Variants in EPHB6 observed in about 807,000 individuals in gnomAD.
EPHB6 encodes the protein ephrin type-B receptor 6.
Under a neutral mutation model 107.0 loss-of-function variants are expected in EPHB6, and 51 were observed. That is an observed-to-expected ratio of 0.48 (90% CI 0.38 to 0.60). The LOEUF (loss-of-function observed/expected upper bound fraction) is 0.60, where lower values mean the gene tolerates loss of function less well. EPHB6 is among the 20% of genes least tolerant of loss of function. The pLI is 0.00. For synonymous variants in EPHB6, 553 were observed against 549.0 expected (o/e 1.01, Z -0.10); for missense variants, 1,141 against 1,355.5 (o/e 0.84, Z 2.48).
chr7:142,859,582 ATAAG>A (rs1026312676), intron 1 of EPHB6, among the ~76,000 whole-genome samples: 1 of 152,106 alleles, frequency 6.6e-6, no homozygotes, highest in African/African-American at 2.4e-5. Context: ...GGTTTGTTTG[ATAAG>A]TAAGAACTCA....
Position 142,864,631 on chromosome 7 carries a change from G to A in EPHB6, c.831G>A (p.Gln277=). 2 of 1,612,402 alleles carry A rather than the reference G, an allele frequency of 1.2e-6. No individual in the cohort carries two copies. Among genetic ancestry groups the A allele is most frequent in the Non-Finnish European group, 1.7e-6 (2 of 1,179,530 alleles). ...AEPEEDGVGG[Q]AGGSPPRLHC... is the part of the protein sequence containing the mutation. ...CAGAGGAGGATGGAGTAGGGGGCCA[G>A]GCAGGAGGCAGCCCCCCCAGGCTGC... Residue 277 remains glutamine (Q), a synonymous_variant, in exon 7 of 20, where the codon CAG becomes CAA. Coordinates refer to ENST00000652003, the MANE Select transcript of EPHB6 (RefSeq NM_004445.6).
chr7:142,863,931 G>A (rs1424053562), intron 6 of EPHB6, 35 bp from the exon 7 acceptor site: 11 of 1,614,038 alleles, frequency 6.8e-6, no homozygotes, highest in East Asian at 4.5e-5. Flanking sequence ...GCTTAAGCCC[G>A]GAGCCCCTAA....
Position 142,868,573 on chromosome 7 carries a change from C to G in EPHB6, c.2120C>G (p.Ala707Gly), listed in dbSNP as rs1794730064. 1 of 1,613,432 alleles carries G rather than the reference C, an allele frequency of 6.2e-7. No individual in the cohort carries two copies. Among genetic ancestry groups the G allele is most frequent in the Non-Finnish European group, 8.5e-7 (1 of 1,179,914 alleles). ...EQTVAIQALWAGGAESLQMTF... is the reference protein window; with the variant it reads ...EQTVAIQALWGGGAESLQMTF... Reference sequence around the variant, plus strand: ...ACTGTGGCCATCCAGGCCCTGTGGGCCGGGGGCGCCGAAAGCCTGCAGATG... The same window carrying G: ...ACTGTGGCCATCCAGGCCCTGTGGGGCGGGGGCGCCGAAAGCCTGCAGATG... The change falls in exon 15 of 20, where the codon GCC becomes GGC. Residue 707 changes from alanine (A) to glycine (G), a missense_variant. This residue lies in a region of EPHB6 where 616 missense variants were observed against 759.3 expected (regional missense o/e 0.81). Transcript: ENST00000652003. The surrounding 1 kb of genome is among the most constrained non-coding windows in gnomAD (Gnocchi z 4.2).
In EPHB6 at chr7:142,870,674, GCTCAGC is replaced by G; in HGVS notation, c.2952_2957del (p.Ser985_Leu986del). ...TCTGTACCTTCAGTGATGTGGCTCA[GCTCAGC>G]CTAGAGTAAGCAGGGAGTGGTGGGG... On this transcript the variant is annotated inframe_deletion, in exon 19 of 20. Transcript: ENST00000652003. 1 of 1,614,210 alleles carries G rather than the reference GCTCAGC, an allele frequency of 6.2e-7. No individual in the cohort carries two copies. Among genetic ancestry groups the G allele is most frequent in the Non-Finnish European group, 8.5e-7 (1 of 1,180,030 alleles).
At position 142,867,058 on chromosome 7, in the gene EPHB6, A is replaced by T; in HGVS notation, c.1740A>T (p.Thr580=). The stretch of plus-strand genomic sequence containing the variant: ...ACGGGGGCAAAGTCTATTTCCAGAC[A>T]CTTCCTCAAGGTGAGCGGGGGTCAA... ...GPYGGKVYFQ[T]LPQGELSSQL... is the part of the protein sequence containing the mutation. The change falls in exon 11 of 20, where the codon ACA becomes ACT. Residue 580 remains threonine (T), a synonymous_variant. Coordinates refer to ENST00000652003, the MANE Select transcript of EPHB6 (RefSeq NM_004445.6). This position sits in a 1 kb window ranked among gnomAD's most constrained non-coding sequence, Gnocchi z 5.3. 6.2e-7 allele frequency: 1 copy of T among 1,613,664 alleles called. No individual in the cohort carries two copies. Among genetic ancestry groups the T allele is most frequent in the Non-Finnish European group, 8.5e-7 (1 of 1,179,974 alleles).
intron 17 of EPHB6, 72 bp from the exon 18 acceptor site, chr7:142,870,142 C>T: frequency 1.2e-6 from 2 of 1,602,858 alleles, no homozygotes; most frequent in Non-Finnish European, 8.5e-7. Context: ...TCCAGCCCAC[C>T]CTCTTACCCA....
chr7:142,863,070 T>C lies in EPHB6; in HGVS notation c.-101-57T>C. On this transcript the variant is annotated intron_variant, in intron 4 of 19. Coordinates refer to ENST00000652003, the MANE Select transcript of EPHB6 (RefSeq NM_004445.6). ...GGGTCAGCTTTTGGAGCTTGGGCTG[T>C]ATATGAAGAAACACTTTCTTCCCAC... 3 of 639,484 alleles carry C rather than the reference T, an allele frequency of 4.7e-6. 1 individual carries two copies. In the South Asian group the frequency reaches 5.7e-5, roughly 12 times the overall value. The allele number at this position is 639,484 out of a possible 1,614,324, so 39.6% of individuals were successfully genotyped here.
At chr7:142,865,654 A>C in intron 8 of EPHB6, 24 bp downstream of exon 8, 2 of 1,611,396 alleles carry the variant, frequency 1.2e-6, no homozygotes, top group Non-Finnish European at 1.7e-6. Context: ...CCAGCCCTGC[A>C]ATGGGAAAGA....
chr7:142,866,772 G>T lies in EPHB6; in HGVS notation c.1588-134G>T. 6.4e-7 allele frequency: 1 copy of T among 1,569,950 alleles called. No individual in the cohort carries two copies. Among genetic ancestry groups the T allele is most frequent in the Non-Finnish European group, 8.7e-7 (1 of 1,144,318 alleles). ...GGGCCAGAGGCTGAATGGGCAAGGA[G>T]AGGTGCCCAGAAGTGTGCAGCACTG... On this transcript the variant is annotated intron_variant, in intron 10 of 19. Transcript: ENST00000652003. This position sits in a 1 kb window ranked among gnomAD's most constrained non-coding sequence, Gnocchi z 5.2.
intron 1 of EPHB6, among the ~76,000 whole-genome samples, chr7:142,858,884 C>T (rs2116382323): frequency 6.6e-6 from 1 of 152,112 alleles, no homozygotes; most frequent in South Asian, 2.1e-4. Context: ...TCTATTGTCT[C>T]TACTGTATCA....
chr7:142,868,902 C>T lies in EPHB6; in HGVS notation c.2287-72C>T, dbSNP rs1794753802. The T allele has an allele frequency of 6.3e-7, 1 of 1,575,014 alleles. No individual in the cohort carries two copies. Among genetic ancestry groups the T allele is most frequent in the South Asian group, 1.1e-5 (1 of 88,566 alleles). On this transcript the variant is annotated intron_variant, in intron 15 of 19. Transcript: ENST00000652003. The surrounding 1 kb of genome is among the most constrained non-coding windows in gnomAD (Gnocchi z 4.2). ...CACCCTCCCGCTCTCATGCTGTTGTCTGCTATGCAGTATGTTGAGGTCTCC... is the reference window on the plus strand; with the variant it reads ...CACCCTCCCGCTCTCATGCTGTTGTTTGCTATGCAGTATGTTGAGGTCTCC...
rs908407457 is a variant in EPHB6, at chr7:142,862,121, T to C, written c.-192T>C. ...CCCTCTTCTTTGTTGTGTCCTCGAATGGCAGAAAAAGGGTGAGAAAGCCCT... is the reference window on the plus strand; with the variant it reads ...CCCTCTTCTTTGTTGTGTCCTCGAACGGCAGAAAAAGGGTGAGAAAGCCCT... On this transcript the variant is annotated 5_prime_UTR_variant, in exon 3 of 20. It removes an upstream start codon present in the reference 5' UTR. Transcript: ENST00000652003. The C allele has an allele frequency of 1.3e-5, 2 of 152,202 alleles. No homozygotes were observed. The highest frequency in any genetic ancestry group is 2.4e-5 in the African/African-American group (1 of 41,432). 9.4% of individuals were successfully genotyped at this position (152,202 alleles called of 1,614,324 possible).
rs565597232 is a variant in EPHB6, at chr7:142,869,127, C to T, written c.2440C>T (p.Arg814Cys). ...VNSHLVCKVA[R>C]LGHSPQGPSC... is the part of the protein sequence containing the mutation. The stretch of plus-strand genomic sequence containing the variant: ...TAGCCACTTGGTGTGCAAGGTGGCC[C>T]GTCTTGGCCACAGTCCTCAGGTGAG... Residue 814 changes from arginine (R) to cysteine (C), a missense_variant, in exon 16 of 20, where the codon CGT becomes TGT. Coordinates refer to ENST00000652003, the MANE Select transcript of EPHB6 (RefSeq NM_004445.6). This position sits in a 1 kb window ranked among gnomAD's most constrained non-coding sequence, Gnocchi z 4.5. The T allele has an allele frequency of 4.0e-5, 64 of 1,613,350 alleles. No homozygotes were observed. Among genetic ancestry groups the T allele is most frequent in the East Asian group, 4.5e-5 (2 of 44,890 alleles).
chr7:142,858,587 C>T (rs1476263887), intron 1 of EPHB6, among the ~76,000 whole-genome samples: 1 of 147,984 alleles, frequency 6.8e-6, no homozygotes, highest in Admixed American at 6.8e-5. Context: ...AGGCACACGC[C>T]ACCACGCCCA....
At chr7:142,862,928 G>A (rs1802911736) in intron 4 of EPHB6, 95 bp downstream of exon 4, 2 of 413,648 alleles carry the variant, frequency 4.8e-6, no homozygotes, top group East Asian at 3.8e-5. Flanking sequence ...GAGTAGGCAC[G>A]AACACTCCAA....
At chr7:142,870,141 C>T (rs2116487765) in intron 17 of EPHB6, 73 bp from the exon 18 acceptor site, 1 of 1,602,712 alleles carries the variant, frequency 6.2e-7, no homozygotes, top group Non-Finnish European at 8.5e-7. Context: ...TTCCAGCCCA[C>T]CCTCTTACCC....
chr7:142,863,108 G>A lies in EPHB6; in HGVS notation c.-101-19G>A. 1 of 778,238 alleles carries A rather than the reference G, an allele frequency of 1.3e-6. No homozygotes were observed. The highest frequency in any genetic ancestry group is 2.7e-5 in the East Asian group (1 of 37,450). 48.2% of individuals were successfully genotyped at this position (778,238 alleles called of 1,614,324 possible). A position where few individuals can be genotyped will look rare whatever the true frequency, so the allele number is the denominator to read the frequency against. ...ACTTTCTTCCCACCTGCCTCTTCTG[G>A]TCTTGTGTGTCTCCTCAGGAAGCAA... On this transcript the variant is annotated intron_variant, in intron 4 of 19. Coordinates refer to ENST00000652003, the MANE Select transcript of EPHB6 (RefSeq NM_004445.6).
In EPHB6 at chr7:142,864,320, T is replaced by G; in HGVS notation, c.520T>G (p.Ser174Ala). ...FPSSSSSSSS[S>A]SSSAAWAVGP... ...CTCCTCCTCCTCCTCCTCCTCCTCC[T>G]CTTCTTCCTCTGCAGCGTGGGCTGT... The change falls in exon 7 of 20, where the codon TCT becomes GCT. Residue 174 changes from serine (S) to alanine (A), a missense_variant. Physicochemically the swap from Ser to Ala is moderately conservative, Grantham distance 99. Around this residue, in one of 3 missense-constraint regions of EPHB6, gnomAD observed 221 missense variants for 300.5 expected, o/e 0.74. Transcript: ENST00000652003. The G allele has an allele frequency of 6.2e-7, 1 of 1,612,962 alleles. No homozygotes were observed. The highest frequency in any genetic ancestry group is 1.1e-5 in the South Asian group (1 of 91,022).
chr7:142,857,245 G>A (rs545130305), intron 1 of EPHB6, among the ~76,000 whole-genome samples: 3 of 152,254 alleles, frequency 2.0e-5, no homozygotes, highest in East Asian at 3.9e-4. Flanking sequence ...AGGCCTCCAG[G>A]GACACAGGAC....
Sources: gnomAD v4.1 joint callset for allele counts (sites outside exome capture counted in the v4.1 genomes callset) on GRCh38, gnomAD v4.1.1 for gene constraint, gnomAD v4.1.1 regional missense constraint, Gnocchi (gnomAD v3.1) non-coding constraint, MANE v1.5 for transcripts, NCBI Gene and HGNC (gene_info 2026-07-23, HGNC 2026-07-21) for gene names.